KCNQ1: variants seen among roughly 807,000 people sequenced by gnomAD.
KCNQ1 encodes the protein potassium voltage-gated channel subfamily Q member 1.
KCNQ1 carries 49 observed loss-of-function variants against 72.4 expected under a neutral mutation model. The observed-to-expected ratio is 0.68, with a 90% CI of 0.54 to 0.86. KCNQ1 has a LOEUF of 0.86. Ranked by LOEUF, KCNQ1 falls within the 40% of genes least tolerant of loss-of-function variation. The pLI is 0.00. For missense variants in KCNQ1, 790 were observed against 945.1 expected (o/e 0.84, Z 2.15); for synonymous variants, 450 against 412.6 (o/e 1.09, Z -1.10).
chr11:2,823,635 C>T (rs1435041168), intron 15 of KCNQ1, among the ~76,000 whole-genome samples: 2 of 152,178 alleles, frequency 1.3e-5, no homozygotes, highest in Non-Finnish European at 2.9e-5. Context: ...AGAGGCCACC[C>T]AGGAAGAGAA....
At chr11:2,686,125 G>A (rs976444965) in intron 11 of KCNQ1, 11 of 398,680 alleles carry the variant, frequency 2.8e-5, no homozygotes, top group South Asian at 1.3e-4. Context: ...CCTTTGCCCT[G>A]TCTCGCCCCC....
At position 2,783,989 on chromosome 11, in the gene KCNQ1, T is replaced by C. The variant is rs754600711; in HGVS notation, c.1794+5952T>C. On this transcript the variant is annotated intron_variant, in intron 15 of 15. Transcript: ENST00000155840. This position sits in a 1 kb window ranked among gnomAD's most constrained non-coding sequence, Gnocchi z 5.2. ...CACATCTTTTAAATCACAAAAGTTT[T>C]TAATTTTAATGAAGTCCAATTTGTC... is the stretch of plus-strand genomic sequence containing the variant. Among the ~76,000 whole-genome samples, 9 of 152,042 alleles carry C rather than the reference T, an allele frequency of 5.9e-5. No individual in the cohort carries two copies. The highest frequency in any genetic ancestry group is 1.0e-4 in the Non-Finnish European group (7 of 67,868).
rs1847816026 is a variant in KCNQ1, at chr11:2,541,115, A to C, written c.477+13097A>C. On this transcript the variant is annotated intron_variant, in intron 2 of 15. Coordinates refer to ENST00000155840, the MANE Select transcript of KCNQ1 (RefSeq NM_000218.3). The surrounding 1 kb of genome is among the most constrained non-coding windows in gnomAD (Gnocchi z 4.8). ...TGCACACGTGCACACGTGCACACCC[A>C]GCCCTGGACCTCAGGCAGGCAGGGA... Among the ~76,000 whole-genome samples, 1 of 152,254 alleles carries C rather than the reference A, an allele frequency of 6.6e-6. No individual in the cohort carries two copies. The highest frequency in any genetic ancestry group is 2.4e-5 in the African/African-American group (1 of 41,472).
At chr11:2,570,327 C>T (rs1007330438) in intron 2 of KCNQ1, among the ~76,000 whole-genome samples, 1 of 152,242 alleles carries the variant, frequency 6.6e-6, no homozygotes, top group Admixed American at 6.5e-5. Flanking sequence ...TGGTGTGGGG[C>T]CCCCTCTGGC....
intron 1 of KCNQ1, among the ~76,000 whole-genome samples, chr11:2,505,079 C>A (rs1357773342): frequency 2.0e-5 from 3 of 150,436 alleles, no homozygotes. Flanking sequence ...TAATTTAAGT[C>A]CCAGGACACA....
At position 2,692,927 on chromosome 11, in the gene KCNQ1, C is replaced by G. The variant is rs534323912; in HGVS notation, c.1514+30846C>G. The G allele has an allele frequency of 3.8e-5, 15 of 398,666 alleles. No homozygotes were observed. The South Asian group carries it at 1.9e-3, about 51-fold the overall frequency. The allele number at this position is 398,666 out of a possible 1,614,324, so 24.7% of individuals were successfully genotyped here. A position where few individuals can be genotyped will look rare whatever the true frequency, so the allele number is the denominator to read the frequency against. ...ATCAACTGTAGCATGGCCTATGTCC[C>G]AAGCAGGTTGTCCTGCCCATACGCT... On this transcript the variant is annotated intron_variant, in intron 11 of 15. Coordinates refer to ENST00000155840, the MANE Select transcript of KCNQ1 (RefSeq NM_000218.3).
At chr11:2,845,058 C>A (rs1848294357) in intron 15 of KCNQ1, among the ~76,000 whole-genome samples, 1 of 152,056 alleles carries the variant, frequency 6.6e-6, no homozygotes, top group Admixed American at 6.5e-5. Context: ...CTCATGTGCA[C>A]CCTGAAGGCT....
At chr11:2,628,764 A>G (rs1849303018) in intron 10 of KCNQ1, 2 of 398,402 alleles carry the variant, frequency 5.0e-6, no homozygotes, top group Non-Finnish European at 8.9e-6. Context: ...GTTTCAGGTC[A>G]TATGTTTAAA....
chr11:2,637,108 T>C (rs1442201963), intron 10 of KCNQ1: 1 of 152,192 alleles, frequency 6.6e-6, no homozygotes, highest in Admixed American at 6.5e-5. Flanking sequence ...CCTATCAATT[T>C]TGTTGATCTT....
intron 10 of KCNQ1, among the ~76,000 whole-genome samples, chr11:2,594,484 C>G (rs1049519706): frequency 6.6e-6 from 1 of 152,136 alleles, no homozygotes; most frequent in Admixed American, 6.5e-5. Flanking sequence ...AAAGTCAGTA[C>G]CATTATGTTG....
intron 11 of KCNQ1, chr11:2,684,947 T>C: frequency 5.0e-6 from 2 of 398,708 alleles, no homozygotes; most frequent in Non-Finnish European, 8.8e-6. Context: ...GTTATCTTTG[T>C]ACCTGGTAAG....
rs567134579 is a variant in KCNQ1 at position 2,701,054 on chromosome 11, G to T, written c.1514+38973G>T. 1.3e-4 allele frequency among the ~76,000 whole-genome samples: 20 copies of T among 152,276 alleles called. No individual in the cohort carries two copies. The South Asian group carries it at 3.3e-3, about 25-fold the overall frequency. On this transcript the variant is annotated intron_variant, in intron 11 of 15. Transcript: ENST00000155840. ...GAAAGTTGTTACAACCCCAACCCAGGGTTGACCTCAAACACAGGAGGAAGG... is the reference window on the plus strand; with the variant it reads ...GAAAGTTGTTACAACCCCAACCCAGTGTTGACCTCAAACACAGGAGGAAGG...
chr11:2,533,396 C>G (rs1847674253), intron 2 of KCNQ1, among the ~76,000 whole-genome samples: 1 of 152,108 alleles, frequency 6.6e-6, no homozygotes, highest in Non-Finnish European at 1.5e-5. Flanking sequence ...GAGATTTCCT[C>G]AAGGCCTCCC....
chr11:2,645,862 T>C lies in KCNQ1; in HGVS notation c.1394-16099T>C. On this transcript the variant is annotated intron_variant, in intron 10 of 15. Coordinates refer to ENST00000155840, the MANE Select transcript of KCNQ1 (RefSeq NM_000218.3). The surrounding 1 kb of genome is among the most constrained non-coding windows in gnomAD (Gnocchi z 5.8). ...GGATTCAGGGGATGTGTGAATTGCC[T>C]GAGGATTCAGGGTGATCTCCCTCTC... 1 of 398,642 alleles carries C rather than the reference T, an allele frequency of 2.5e-6. No homozygotes were observed. Among genetic ancestry groups the C allele is most frequent in the Non-Finnish European group, 4.4e-6 (1 of 226,092 alleles). 24.7% of individuals were successfully genotyped at this position (398,642 alleles called of 1,614,324 possible).
chr11:2,461,836 G>A (rs535363966), intron 1 of KCNQ1: 12 of 745,012 alleles, frequency 1.6e-5, no homozygotes, highest in Non-Finnish European at 2.2e-5. Flanking sequence ...ATGAAGTACT[G>A]GGTGGGTGGA....
intron 1 of KCNQ1, among the ~76,000 whole-genome samples, chr11:2,469,028 GCAGCTCCGTGCGA>G: frequency 6.6e-6 from 1 of 152,270 alleles, no homozygotes; most frequent in East Asian, 1.9e-4. Context: ...TTGCAGTCCA[GCAGCTCCGTGCGA>G]CAGCTCTAGT....
Position 2,446,056 on chromosome 11 carries a change from G to A in KCNQ1, c.386+572G>A, listed in dbSNP as rs1846032190. Reference sequence around the variant, plus strand: ...CATTAACTAATTGAACCAAGCTCATGAAAACCTGGCTTGATGCAGAGAGCG... The same window carrying A: ...CATTAACTAATTGAACCAAGCTCATAAAAACCTGGCTTGATGCAGAGAGCG... On this transcript the variant is annotated intron_variant, in intron 1 of 15. Transcript: ENST00000155840. The surrounding 1 kb of genome is among the most constrained non-coding windows in gnomAD (Gnocchi z 8.8). 6.6e-6 allele frequency among the ~76,000 whole-genome samples: 1 copy of A among 152,198 alleles called. No homozygotes were observed. Among genetic ancestry groups the A allele is most frequent in the African/African-American group, 2.4e-5 (1 of 41,440 alleles).
chr11:2,445,166 C>T lies in KCNQ1; in HGVS notation c.68C>T (p.Ala23Val). Residue 23 changes from alanine (A) to valine (V), a missense_variant, in exon 1 of 16, where the codon GCC becomes GTC. Physicochemically the swap from Ala to Val is moderately conservative, Grantham distance 64. Coordinates refer to ENST00000155840, the MANE Select transcript of KCNQ1 (RefSeq NM_000218.3). ...TGGGGTTGGGGCCGCCTGCCAGGCG[C>T]CCGGCGGGGCAGCGCGGGCCTGGCC... ...KRWGWGRLPGARRGSAGLAKK... is the reference protein window; with the variant it reads ...KRWGWGRLPGVRRGSAGLAKK... 8.8e-7 allele frequency: 1 copy of T among 1,135,888 alleles called. No homozygotes were observed. The highest frequency in any genetic ancestry group is 1.1e-6 in the Non-Finnish European group (1 of 923,474). The allele number at this position is 1,135,888 out of a possible 1,614,324, so 70.4% of individuals were successfully genotyped here. A position where few individuals can be genotyped will look rare whatever the true frequency, so the allele number is the denominator to read the frequency against.
intron 2 of KCNQ1, among the ~76,000 whole-genome samples, chr11:2,533,900 G>C (rs1847683860): frequency 2.0e-5 from 3 of 152,216 alleles, no homozygotes; most frequent in Admixed American, 6.5e-5. Flanking sequence ...ACATACCAGG[G>C]AATTGTCCTG....
Sources: gnomAD v4.1 joint callset for allele counts (sites outside exome capture counted in the v4.1 genomes callset) on GRCh38, gnomAD v4.1.1 for gene constraint, Gnocchi (gnomAD v3.1) non-coding constraint, MANE v1.5 for transcripts, NCBI Gene and HGNC (gene_info 2026-07-23, HGNC 2026-07-21) for gene names.